The following GPRC5D variants were observed in gnomAD, a reference collection of about 807,000 sequenced individuals.
GPRC5D encodes the protein G protein-coupled receptor class C group 5 member D, also known as G protein-coupled receptor family C group 5 member D.
A neutral mutation model predicts 29.3 loss-of-function variants in GPRC5D; 20 were observed. The ratio of observed to expected loss-of-function variants is 0.68; its 90% CI spans 0.48 to 0.99. The LOEUF (loss-of-function observed/expected upper bound fraction) is 0.99. Among genes scored for constraint, GPRC5D ranks in the 50% least tolerant of loss-of-function variants. The pLI is 0.00. For synonymous variants in GPRC5D, 178 were observed against 171.3 expected, an observed-to-expected ratio of 1.04 and a Z score of -0.30; for missense variants, 384 against 423.6, an observed-to-expected ratio of 0.91 and a Z score of 0.82.
chr12:12,949,668 G>A (rs1314961586), exon 1 of GPRC5D: 3 of 1,614,046 alleles, frequency 1.9e-6, no homozygotes, highest in Non-Finnish European at 2.5e-6. Context: ...AGACGACCGG[G>A]TCGTCCCACT....
exon 1 of GPRC5D, chr12:12,949,560 T>A: frequency 6.3e-7 from 1 of 1,597,996 alleles, no homozygotes; most frequent in African/African-American, 1.3e-5. Flanking sequence ...CATTGCCTTG[T>A]AAAGGGCACT....
intron 1 of GPRC5D, among the ~76,000 whole-genome samples, chr12:12,943,394 C>G (rs11055165): frequency 6.6e-6 from 1 of 152,168 alleles, no homozygotes; most frequent in African/African-American, 2.4e-5. Flanking sequence ...TGTTACCTAC[C>G]TAGGGCCAAG....
exon 1 of GPRC5D, chr12:12,949,918 A>G (rs61734234): frequency 1.2e-6 from 2 of 1,613,956 alleles, no homozygotes; most frequent in East Asian, 2.2e-5. Flanking sequence ...CACAAACATC[A>G]TACCTCTGGT....
chr12:12,944,477 G>C (rs1863224000), intron 1 of GPRC5D: 1 of 145,924 alleles, frequency 6.9e-6, no homozygotes, highest in South Asian at 2.3e-4. Context: ...ATTTCCCCTG[G>C]TAAGGTGAGT....
At chr12:12,944,850 C>CTTTCTTTCT (rs1491104199) in intron 1 of GPRC5D, among the ~76,000 whole-genome samples, 7 of 34,476 alleles carry the variant, frequency 2.0e-4, no homozygotes, top group African/African-American at 5.0e-4. Context: ...TCCTTCCTTC[C>CTTTCTTTCT]TTCTTTCTTT....
chr12:12,946,299 C>T lies in GPRC5D; in HGVS notation c.895+3191G>A, dbSNP rs376650097. Among the ~76,000 whole-genome samples, 447 of 56,042 alleles carry T rather than the reference C, an allele frequency of 8.0e-3. 2 individuals are homozygous for T. The highest frequency in any genetic ancestry group is 0.016 in the African/African-American group (222 of 14,182). 36.8% of individuals were successfully genotyped at this position (56,042 alleles called of 152,430 possible). ...TCCTTCCTTCCTTCCTTTCTTCCTT[C>T]CTTCCTTCCTTTTCTTTCTTTCTTT... On this transcript the variant is annotated intron_variant, in intron 1 of 2. Coordinates refer to ENST00000228887, the Ensembl canonical transcript of GPRC5D.
intron 1 of GPRC5D, among the ~76,000 whole-genome samples, chr12:12,944,789 C>T (rs1863235916): frequency 2.4e-4 from 8 of 33,302 alleles, no homozygotes; most frequent in South Asian, 1.7e-3. Context: ...TCCTTCCTTC[C>T]TTCCTTCCTT....
chr12:12,948,197 A>G (rs142866739), intron 1 of GPRC5D: 20 of 152,324 alleles, frequency 1.3e-4, no homozygotes, highest in African/African-American at 4.6e-4. Flanking sequence ...CACAGCAGCA[A>G]CGAAAACACA....
intron 2 of GPRC5D, among the ~76,000 whole-genome samples, chr12:12,941,980 G>C (rs1160844686): frequency 2.0e-5 from 3 of 152,202 alleles, no homozygotes; most frequent in Non-Finnish European, 4.4e-5. Flanking sequence ...CCTTCACACA[G>C]AAGCTTCAAG....
At chr12:12,948,062 G>C (rs1382274076) in intron 1 of GPRC5D, 1 of 152,076 alleles carries the variant, frequency 6.6e-6, no homozygotes, top group East Asian at 1.9e-4. Flanking sequence ...CTTCGAGCCC[G>C]TTCAATGCTT....
rs536947955 is a variant in GPRC5D at position 12,946,217 on chromosome 12, C to T, written c.895+3273G>A. ...TGGAGATGGAAAACAACAGGACAAC[C>T]GCCTCTTGGGGAGAGGTCTTCACAC... On this transcript the variant is annotated intron_variant, in intron 1 of 2. Transcript: ENST00000228887. Among the ~76,000 whole-genome samples the T allele has an allele frequency of 1.2e-4, 19 of 152,230 alleles. 1 individual carries two copies. The highest frequency in any genetic ancestry group is 6.2e-4 in the South Asian group (3 of 4,830).
intron 1 of GPRC5D, among the ~76,000 whole-genome samples, chr12:12,944,825 C>T (rs1592372072): frequency 1.6e-3 from 20 of 12,134 alleles, no homozygotes; most frequent in Admixed American, 2.6e-3. Context: ...TTCCTTCCTT[C>T]CTTCCTTCCT....
At chr12:12,942,300 A>T in exon 2 of GPRC5D, 1 of 1,613,230 alleles carries the variant, frequency 6.2e-7, no homozygotes, top group Non-Finnish European at 8.5e-7. Flanking sequence ...TTAATGCTAC[A>T]TCCTCCTCAG....
chr12:12,949,762 A>G, exon 1 of GPRC5D: 1 of 1,614,180 alleles, frequency 6.2e-7, no homozygotes, highest in Non-Finnish European at 8.5e-7. Flanking sequence ...GAGCACAGTG[A>G]TAAAGATGAG....
chr12:12,949,713 G>A lies in GPRC5D; in HGVS notation c.672C>T (p.Leu224=), dbSNP rs369458282. 2.0e-5 allele frequency: 33 copies of A among 1,613,460 alleles called. No individual in the cohort carries two copies. In the African/African-American group the frequency reaches 3.5e-4, roughly 17 times the overall value. The change falls in exon 1 of 3, where the codon CTC becomes CTT. Residue 224 remains leucine, a synonymous_variant. Transcript: ENST00000228887. ...GCTGGAACTGCGGGTTGCCTCTCAG[G>A]AGCATGGAGATCCACACCACCCAGA...
At chr12:12,951,143 CAAAA>C (rs1177487137), upstream of GPRC5D, among the ~76,000 whole-genome samples, 5 of 151,894 alleles carry the variant, frequency 3.3e-5, no homozygotes, top group African/African-American at 9.7e-5. Flanking sequence ...AACACACAAA[CAAAA>C]AAAGTAACGT....
chr12:12,950,139 G>C, exon 1 of GPRC5D: 1 of 1,614,134 alleles, frequency 6.2e-7, no homozygotes, highest in South Asian at 1.1e-5. Flanking sequence ...GATTGAGCTC[G>C]ATGATGAAGG....
chr12:12,949,109 A>G (rs1257574464), intron 1 of GPRC5D, among the ~76,000 whole-genome samples: 4 of 152,218 alleles, frequency 2.6e-5, no homozygotes, highest in Non-Finnish European at 5.9e-5. Context: ...TTGAAGGCCA[A>G]TACATCTGGA....
At position 12,944,845 on chromosome 12, in the gene GPRC5D, C is replaced by T. The variant is rs1267274131; in HGVS notation, c.896-2517G>A. ...TCCTTCCTTCCTTCCTTCCTTCCTT[C>T]CTTCCTTCTTTCTTTCTTTCTTTCT... On this transcript the variant is annotated intron_variant, in intron 1 of 2. Transcript: ENST00000228887. Among the ~76,000 whole-genome samples, 44 of 32,832 alleles carry T rather than the reference C, an allele frequency of 1.3e-3. 3 individuals carry two copies. Among genetic ancestry groups the T allele is most frequent in the African/African-American group, 2.5e-3 (36 of 14,264 alleles). The allele number at this position is 32,832 out of a possible 152,430, so 21.5% of individuals were successfully genotyped here.
Sources: gnomAD v4.1 joint callset for allele counts (sites outside exome capture counted in the v4.1 genomes callset) on GRCh38, gnomAD v4.1.1 for gene constraint, MANE v1.5 for transcripts, NCBI Gene and HGNC (gene_info 2026-07-23, HGNC 2026-07-21) for gene names.